P2RX4: variants seen among roughly 807,000 people sequenced by gnomAD.
P2RX4 encodes the protein purinergic receptor P2X 4, also known as P2X purinoceptor 4.
P2RX4 carries 37 observed loss-of-function variants against 48.0 expected under a neutral mutation model. The observed-to-expected ratio is 0.77, with a 90% CI of 0.59 to 1.01. The LOEUF (loss-of-function observed/expected upper bound fraction) is 1.01. Among genes scored for constraint, P2RX4 ranks in the 50% least tolerant of loss-of-function variants. The pLI is 0.00. For missense variants in P2RX4, 501 were observed against 521.4 expected (o/e 0.96, Z 0.38); for synonymous variants, 200 against 199.7 (o/e 1.00, Z -0.01).
At position 121,232,708 on chromosome 12, in the gene P2RX4, C is replaced by T. The variant is rs910113961; in HGVS notation, c.1044+32C>T. ...GGTTTAGGCCCTGCCTTCACCCTCA[C>T]GGTGAGGTGAGACCCTGGGCTGGGG... is the stretch of plus-strand genomic sequence containing the variant. On this transcript the variant is annotated intron_variant, in intron 10 of 11. Transcript: ENST00000337233. This position sits in a 1 kb window ranked among gnomAD's most constrained non-coding sequence, Gnocchi z 4.3. 59 of 1,557,334 alleles carry T rather than the reference C, an allele frequency of 3.8e-5. No individual in the cohort carries two copies. Among genetic ancestry groups the T allele is most frequent in the Non-Finnish European group, 5.0e-5 (56 of 1,128,320 alleles).
chr12:121,219,620 GATAGATAGATA>G lies in P2RX4; in HGVS notation c.283-2292_283-2282del, dbSNP rs1566001894. ...GGATGGATGGATGGATGGATGGATA[GATAGATAGATA>G]GATAGATAGATAGATAGATAGATAG... On this transcript the variant is annotated intron_variant, in intron 2 of 11. Coordinates refer to ENST00000337233, the MANE Select transcript of P2RX4 (RefSeq NM_002560.3). 3.0e-3 allele frequency among the ~76,000 whole-genome samples: 333 copies of G among 111,288 alleles called. 1 individual carries two copies. The East Asian group carries it at 0.041, about 14-fold the overall frequency. 73.0% of individuals were successfully genotyped at this position (111,288 alleles called of 152,430 possible). A position where few individuals can be genotyped will look rare whatever the true frequency, so the allele number is the denominator to read the frequency against.
chr12:121,232,480 C>T lies in P2RX4; in HGVS notation c.951C>T (p.Ile317=). The change falls in exon 9 of 12, where the codon ATC becomes ATT. Residue 317 remains isoleucine, a synonymous_variant. Coordinates refer to ENST00000337233, the MANE Select transcript of P2RX4 (RefSeq NM_002560.3). The surrounding 1 kb of genome is among the most constrained non-coding windows in gnomAD (Gnocchi z 4.3). The part of the protein sequence containing the change: ...EQRTLIKAYG[I]RFDIIVFGKA... ...GCACGCTCATCAAGGCCTATGGCAT[C>T]CGCTTCGACATCATTGTGTTTGGGA... 6.2e-7 allele frequency: 1 copy of T among 1,614,190 alleles called. No homozygotes were observed. The highest frequency in any genetic ancestry group is 1.3e-5 in the African/African-American group (1 of 75,076).
intron 8 of P2RX4, among the ~76,000 whole-genome samples, chr12:121,231,121 G>A (rs1378205162): frequency 6.7e-6 from 1 of 148,880 alleles, no homozygotes; most frequent in Non-Finnish European, 1.5e-5. Context: ...CTGAGTAGCT[G>A]GGATTACAGG....
chr12:121,232,885 C>T lies in P2RX4; in HGVS notation c.1045-112C>T. ...AGCCTTCTCCCAAGAGATGGGAGTG[C>T]CTTTCCATTCCGGTAAAGATTCCAG... On this transcript the variant is annotated intron_variant, in intron 10 of 11. Transcript: ENST00000337233. The surrounding 1 kb of genome is among the most constrained non-coding windows in gnomAD (Gnocchi z 4.3). The T allele has an allele frequency of 4.4e-6, 4 of 899,576 alleles. No homozygotes were observed. Among genetic ancestry groups the T allele is most frequent in the South Asian group, 3.9e-5 (3 of 76,632 alleles). 55.7% of individuals were successfully genotyped at this position (899,576 alleles called of 1,614,324 possible).
intron 11 of P2RX4, 154 bp downstream of exon 11, chr12:121,233,246 C>A: frequency 1.5e-6 from 1 of 654,006 alleles, no homozygotes; most frequent in Middle Eastern, 4.2e-4. Flanking sequence ...CCACTCTCAG[C>A]AGCTGCTCCA....
At chr12:121,227,010 G>T (rs1355046421) in intron 5 of P2RX4, among the ~76,000 whole-genome samples, 1 of 151,988 alleles carries the variant, frequency 6.6e-6, no homozygotes, top group East Asian at 1.9e-4. Context: ...AGCTACTCGG[G>T]AGGCTGAGGC....
chr12:121,222,823 A>G (rs1187821913), intron 4 of P2RX4, 124 bp from the exon 5 acceptor site: 1 of 1,485,030 alleles, frequency 6.7e-7, no homozygotes, highest in East Asian at 2.5e-5. Flanking sequence ...TAAATCCCAG[A>G]TTTGCACAGC....
chr12:121,231,297 T>G (rs1022223551), intron 8 of P2RX4, among the ~76,000 whole-genome samples: 3 of 152,194 alleles, frequency 2.0e-5, no homozygotes, highest in African/African-American at 7.2e-5. Context: ...CCATATATTT[T>G]TAAATGGTCT....
Position 121,233,609 on chromosome 12 carries a change from GAGAAATGGCCACC to G in P2RX4, c.*62_*74del. 1 of 1,581,686 alleles carries G rather than the reference GAGAAATGGCCACC, an allele frequency of 6.3e-7. No homozygotes were observed. The highest frequency in any genetic ancestry group is 8.6e-7 in the Non-Finnish European group (1 of 1,162,326). ...TCAAAGAACAGAGAGGAGGAGGAGG[GAGAAATGGCCACC>G]ACATCACCCCAGAGAAATTTCTGGA... On this transcript the variant is annotated 3_prime_UTR_variant, in exon 12 of 12. Coordinates refer to ENST00000337233, the MANE Select transcript of P2RX4 (RefSeq NM_002560.3).
At chr12:121,220,064 G>A (rs865945904) in intron 2 of P2RX4, among the ~76,000 whole-genome samples, 3 of 152,144 alleles carry the variant, frequency 2.0e-5, no homozygotes, top group South Asian at 4.1e-4. Flanking sequence ...ATATAAGGAG[G>A]AAACAGAACC....
chr12:121,222,136 A>C lies in P2RX4; in HGVS notation c.397A>C (p.Thr133Pro), dbSNP rs1886658789. 6.2e-7 allele frequency: 1 copy of C among 1,608,754 alleles called. No homozygotes were observed. Among genetic ancestry groups the C allele is most frequent in the African/African-American group, 1.3e-5 (1 of 74,912 alleles). Residue 133 changes from threonine (T) to proline (P), a missense_variant, in exon 4 of 12, where the codon ACT (threonine) becomes CCT (proline). Physicochemically the swap from Thr to Pro is conservative, Grantham distance 38. Coordinates refer to ENST00000337233, the MANE Select transcript of P2RX4 (RefSeq NM_002560.3). ...TGTGTGTAAATCAGATGCCAGCTGT[A>C]CTGCCGGCTCTGCCGGCACCCACAG... is the stretch of plus-strand genomic sequence containing the variant. ...TTVCKSDASC[T>P]AGSAGTHSNG...
rs779013159 is a variant in P2RX4, at chr12:121,210,132, C to G, written c.-33C>G. 2.0e-6 allele frequency: 3 copies of G among 1,492,856 alleles called. No homozygotes were observed. The highest frequency in any genetic ancestry group is 2.7e-6 in the Non-Finnish European group (3 of 1,127,166). The allele number at this position is 1,492,856 out of a possible 1,614,324, so 92.5% of individuals were successfully genotyped here. ...CTCCGAGCGGGGACTGGGACCCAGA[C>G]CGACTAGGGGACTGGGAGCGGGCGG... On this transcript the variant is annotated 5_prime_UTR_variant, in exon 1 of 12. Transcript: ENST00000337233.
intron 2 of P2RX4, among the ~76,000 whole-genome samples, chr12:121,218,235 C>A (rs1348368924): frequency 6.6e-6 from 1 of 152,116 alleles, no homozygotes; most frequent in African/African-American, 2.4e-5. Flanking sequence ...TGCCTGTAAT[C>A]CCAGCACTTT....
chr12:121,232,588 T>C lies in P2RX4; in HGVS notation c.979-23T>C, dbSNP rs747923978. On this transcript the variant is annotated intron_variant, in intron 9 of 11. Coordinates refer to ENST00000337233, the MANE Select transcript of P2RX4 (RefSeq NM_002560.3). This position sits in a 1 kb window ranked among gnomAD's most constrained non-coding sequence, Gnocchi z 4.3. ...TCCCTGCCCCTGCAGAAACACTTTTTTTCTTTTTCGGTGTCTTGGCAGGCA... is the reference window on the plus strand; with the variant it reads ...TCCCTGCCCCTGCAGAAACACTTTTCTTCTTTTTCGGTGTCTTGGCAGGCA... 2.5e-6 allele frequency: 4 copies of C among 1,613,428 alleles called. No individual in the cohort carries two copies. The highest frequency in any genetic ancestry group is 3.4e-6 in the Non-Finnish European group (4 of 1,179,358).
chr12:121,227,124 C>G (rs2136238719), intron 5 of P2RX4, among the ~76,000 whole-genome samples: 1 of 151,934 alleles, frequency 6.6e-6, no homozygotes, highest in South Asian at 2.1e-4. Flanking sequence ...AAAAAAAAAC[C>G]TGAGAGAAGC....
chr12:121,210,895 C>T (rs1331285247), intron 1 of P2RX4, among the ~76,000 whole-genome samples: 1 of 152,264 alleles, frequency 6.6e-6, no homozygotes, highest in Non-Finnish European at 1.5e-5. Context: ...TCGCTCTCCA[C>T]TTCCCATCCT....
intron 1 of P2RX4, among the ~76,000 whole-genome samples, chr12:121,211,625 T>G (rs977983122): frequency 1.6e-4 from 25 of 152,178 alleles, no homozygotes; most frequent in Admixed American, 7.2e-4. Context: ...AGTGCAGTGG[T>G]CTCCAAACTG....
At chr12:121,230,324 A>G (rs1887254506) in intron 8 of P2RX4, among the ~76,000 whole-genome samples, 1 of 152,212 alleles carries the variant, frequency 6.6e-6, no homozygotes, top group Admixed American at 6.5e-5. Flanking sequence ...CAGAGGTTGC[A>G]GTGAGCCGAG....
chr12:121,210,834 C>T (rs114092767), intron 1 of P2RX4, among the ~76,000 whole-genome samples: 187 of 152,300 alleles, frequency 1.2e-3, no homozygotes, highest in African/African-American at 4.4e-3. Context: ...CCTGCCTGAC[C>T]CCCCATAGTG....
Sources: gnomAD v4.1 joint callset for allele counts (sites outside exome capture counted in the v4.1 genomes callset) on GRCh38, gnomAD v4.1.1 for gene constraint, Gnocchi (gnomAD v3.1) non-coding constraint, MANE v1.5 for transcripts, NCBI Gene and HGNC (gene_info 2026-07-23, HGNC 2026-07-21) for gene names.